The following OR2L13 variants were observed in gnomAD, a reference collection of about 807,000 sequenced individuals.
OR2L13 encodes the protein olfactory receptor family 2 subfamily L member 13.
A neutral mutation model predicts 15.3 loss-of-function variants in OR2L13; 14 were observed. The ratio of observed to expected loss-of-function variants is 0.91; its 90% confidence interval spans 0.60 to 1.43. The LOEUF (loss-of-function observed/expected upper bound fraction) is 1.43. Ranked by LOEUF, OR2L13 falls within the 40% of genes most tolerant of loss-of-function variation. OR2L13 has a pLI of 0.00. For synonymous variants in OR2L13, 152 were observed against 142.9 expected, an observed-to-expected ratio of 1.06 and a Z score of -0.45; for missense variants, 367 against 387.9, an observed-to-expected ratio of 0.95 and a Z score of 0.45.
At chr1:248,083,843 T>C in the OR2L13 span, 1 of 1,612,820 alleles carries the variant, frequency 6.2e-7, no homozygotes, top group Non-Finnish European at 8.5e-7. Flanking sequence ...AAATGGCAGC[T>C]CCATAAAAGA....
upstream of OR2L13, among the ~76,000 whole-genome samples, chr1:248,091,182 T>G (rs1664588658): frequency 6.6e-6 from 1 of 152,150 alleles, no homozygotes; most frequent in Non-Finnish European, 1.5e-5. Context: ...TTTTGGATAG[T>G]AAACTTTTGT....
chr1:247,972,248 A>G, the OR2L13 span, among the ~76,000 whole-genome samples: 1 of 152,228 alleles, frequency 6.6e-6, no homozygotes, highest in Non-Finnish European at 1.5e-5. Flanking sequence ...ATGACTGCAG[A>G]AGACAAGAAA....
the OR2L13 span, among the ~76,000 whole-genome samples, chr1:248,048,200 C>T: frequency 6.6e-6 from 1 of 152,162 alleles, no homozygotes; most frequent in Non-Finnish European, 1.5e-5. Flanking sequence ...ACCTCAATGG[C>T]AGGATGTGAC....
At chr1:248,075,063 C>G in the OR2L13 span, among the ~76,000 whole-genome samples, 2 of 152,132 alleles carry the variant, frequency 1.3e-5, no homozygotes, top group Non-Finnish European at 2.9e-5. Flanking sequence ...TGATGTTCCC[C>G]ACCCTGTGTC....
the OR2L13 span, chr1:247,966,043 A>T: frequency 4.3e-6 from 7 of 1,614,026 alleles, no homozygotes; most frequent in South Asian, 2.2e-5. Context: ...TCGTGTGCTT[A>T]TTGTGGTATT....
At chr1:248,064,537 T>A in the OR2L13 span, among the ~76,000 whole-genome samples, 2 of 152,188 alleles carry the variant, frequency 1.3e-5, no homozygotes, top group East Asian at 3.9e-4. Flanking sequence ...CCTGCTGTTT[T>A]TGTTAGTTGT....
the OR2L13 span, among the ~76,000 whole-genome samples, chr1:248,009,696 T>A: frequency 1.7e-3 from 254 of 152,158 alleles, no homozygotes; most frequent in Non-Finnish European, 3.1e-3. Context: ...CACCAAAACC[T>A]GTCAGAGACA....
the OR2L13 span, among the ~76,000 whole-genome samples, chr1:248,009,488 C>G: frequency 2.0e-5 from 3 of 152,060 alleles, no homozygotes; most frequent in African/African-American, 7.2e-5. Context: ...AGTCAAATCC[C>G]TGAACAAAAC....
chr1:247,943,276 G>A, the OR2L13 span, among the ~76,000 whole-genome samples: 3,455 of 152,224 alleles, frequency 0.023, 55 homozygotes, highest in East Asian at 0.036. Flanking sequence ...GACTCCAAAA[G>A]AGGAGAGTGA....
the OR2L13 span, chr1:247,937,461 C>T: frequency 1.5e-4 from 24 of 160,172 alleles, no homozygotes; most frequent in Non-Finnish European, 3.0e-4. Flanking sequence ...CAGCCCTCCT[C>T]CCCTCCCATC....
chr1:247,937,469 A>C, the OR2L13 span: 1 of 157,998 alleles, frequency 6.3e-6, no homozygotes, highest in African/African-American at 2.4e-5. Context: ...CTCCCCTCCC[A>C]TCAGCAGCTC....
chr1:248,094,576 G>C (rs563855031), upstream of OR2L13, among the ~76,000 whole-genome samples: 1 of 152,320 alleles, frequency 6.6e-6, no homozygotes, highest in East Asian at 1.9e-4. Context: ...TCAGACTAGA[G>C]TATTCTCTCT....
chr1:248,022,945 C>T, the OR2L13 span: 9 of 1,451,504 alleles, frequency 6.2e-6, no homozygotes. Context: ...CAGTGTACAG[C>T]AGTGAAGAAA....
chr1:248,001,218 G>A, the OR2L13 span, among the ~76,000 whole-genome samples: 4 of 152,068 alleles, frequency 2.6e-5, no homozygotes, highest in Non-Finnish European at 1.5e-5. Context: ...AATCTGAAGA[G>A]TTATTTTGAT....
the OR2L13 span, chr1:247,966,298 T>C: frequency 6.2e-7 from 1 of 1,613,540 alleles, no homozygotes; most frequent in Non-Finnish European, 8.5e-7. Flanking sequence ...GTTGGGATAT[T>C]GGATATGCTG....
chr1:248,004,444 T>C, the OR2L13 span, among the ~76,000 whole-genome samples: 3 of 152,340 alleles, frequency 2.0e-5, no homozygotes, highest in Middle Eastern at 6.8e-3. Context: ...TGTTTATGTC[T>C]AAAACAAAAA....
chr1:247,974,270 T>C, the OR2L13 span, among the ~76,000 whole-genome samples: 261 of 151,906 alleles, frequency 1.7e-3, 3 homozygotes, highest in Middle Eastern at 0.024. Flanking sequence ...AGAACCTTTG[T>C]GGGGGGGCCA....
At chr1:248,062,429 C>T in the OR2L13 span, 5 of 151,634 alleles carry the variant, frequency 3.3e-5, no homozygotes, top group Admixed American at 1.3e-4. Flanking sequence ...GTCTTTTTCC[C>T]AATGAACAGT....
At chr1:248,079,322 C>A in the OR2L13 span, among the ~76,000 whole-genome samples, 2 of 151,886 alleles carry the variant, frequency 1.3e-5, no homozygotes, top group African/African-American at 2.4e-5. Flanking sequence ...AAATTCAATG[C>A]AAAAATTGTA....
Sources: allele counts gnomAD v4.1 joint callset (sites outside exome capture counted in the v4.1 genomes callset), GRCh38; gene constraint gnomAD v4.1.1; transcripts MANE v1.5; gene names NCBI Gene and HGNC (gene_info 2026-07-23, HGNC 2026-07-21).